TTLL9: variants seen among roughly 807,000 people sequenced by gnomAD.
The protein encoded by TTLL9 is probable tubulin polyglutamylase TTLL9.
A neutral mutation model predicts 65.6 loss-of-function variants in TTLL9; 47 were observed. That is an observed-to-expected ratio of 0.72 (90% CI 0.57 to 0.91). The LOEUF is 0.91. Among genes scored for constraint, TTLL9 ranks in the 40% least tolerant of loss-of-function variants. TTLL9 has a pLI of 0.00. For missense variants in TTLL9, 537 were observed against 568.8 expected (o/e 0.94, Z 0.57); for synonymous variants, 179 against 204.8 (o/e 0.87, Z 1.07).
At chr20:31,932,872 T>C (rs563661915) in intron 10 of TTLL9, among the ~76,000 whole-genome samples, 1 of 152,210 alleles carries the variant, frequency 6.6e-6, no homozygotes, top group Non-Finnish European at 1.5e-5. Context: ...GGTGGGCACC[T>C]GTAATCCCCG....
chr20:31,912,206 C>T (rs1322644987), intron 6 of TTLL9, among the ~76,000 whole-genome samples: 1 of 152,100 alleles, frequency 6.6e-6, no homozygotes, highest in Non-Finnish European at 1.5e-5. Flanking sequence ...CAGGAAACAC[C>T]GTCTCTTTGC....
chr20:31,921,523 C>T (rs2063815910), intron 7 of TTLL9, among the ~76,000 whole-genome samples: 2 of 152,144 alleles, frequency 1.3e-5, no homozygotes, highest in Admixed American at 6.6e-5. Flanking sequence ...CACATGCACA[C>T]GTATGTTTAT....
At chr20:31,929,566 AT>A (rs1348566178) in intron 10 of TTLL9, among the ~76,000 whole-genome samples, 3 of 151,514 alleles carry the variant, frequency 2.0e-5, no homozygotes, top group Middle Eastern at 3.4e-3. Flanking sequence ...TGCACTAAAC[AT>A]TATCAGCAGT....
chr20:31,902,103 TCAC>T lies in TTLL9; in HGVS notation c.206+3542_206+3544del, dbSNP rs1260954990. Among the ~76,000 whole-genome samples the T allele has an allele frequency of 4.3e-5, 6 of 140,372 alleles. No homozygotes were observed. The East Asian group carries it at 7.7e-4, about 18-fold the overall frequency. The allele number at this position is 140,372 out of a possible 152,430, so 92.1% of individuals were successfully genotyped here. A position where few individuals can be genotyped will look rare whatever the true frequency, so the allele number is the denominator to read the frequency against. On this transcript the variant is annotated intron_variant, in intron 4 of 14. Coordinates refer to ENST00000535842, the MANE Select transcript of TTLL9 (RefSeq NM_001008409.5). The stretch of plus-strand genomic sequence containing the variant: ...GCATATTCACAAAGTTGTGTAATCA[TCAC>T]CACTTTTTTTTTCCCCCACATACCT...
At position 31,919,871 on chromosome 20, in the gene TTLL9, G is replaced by C. The variant is rs763295167; in HGVS notation, c.512G>C (p.Arg171Pro). 3.8e-6 allele frequency: 6 copies of C among 1,589,270 alleles called. No individual in the cohort carries two copies. The East Asian group carries it at 9.6e-5, about 25-fold the overall frequency. The change falls in exon 7 of 15, where the codon CGG becomes CCG. Residue 171 changes from arginine to proline, a missense_variant. This residue lies in a region of TTLL9 where 320 missense variants were observed against 311.0 expected (regional missense o/e 1.03). Transcript: ENST00000535842. The stretch of plus-strand genomic sequence containing the variant: ...GCCCCCATCCCACCCCAGGTAGCCC[G>C]GTCTCAAGGGAAAGGCATCTTCCTC... ...GITWIMKPVA[R>P]SQGKGIFLFR...
At chr20:31,926,430 C>A (rs1380013071) in intron 10 of TTLL9, among the ~76,000 whole-genome samples, 1 of 152,176 alleles carries the variant, frequency 6.6e-6, no homozygotes, top group Non-Finnish European at 1.5e-5. Flanking sequence ...AGAATACATA[C>A]GTTGCTGGCG....
intron 2 of TTLL9, chr20:31,883,891 G>A (rs116168901): frequency 0.013 from 5,438 of 407,436 alleles, 283 homozygotes; most frequent in African/African-American, 0.1. Flanking sequence ...AGATAAGGAT[G>A]TCAGCTCTTA....
chr20:31,911,833 T>TGTGC (rs1349623881), intron 6 of TTLL9, among the ~76,000 whole-genome samples: 17 of 6,314 alleles, frequency 2.7e-3, no homozygotes, highest in African/African-American at 6.2e-3. Flanking sequence ...TGTCTGTGCG[T>TGTGC]GTGTGTGTGT....
At chr20:31,930,851 A>G (rs1367802206) in intron 10 of TTLL9, among the ~76,000 whole-genome samples, 2 of 152,024 alleles carry the variant, frequency 1.3e-5, no homozygotes, top group African/African-American at 4.8e-5. Context: ...ACCTGGTTTT[A>G]GGTTCCTCTC....
intron 10 of TTLL9, among the ~76,000 whole-genome samples, chr20:31,932,111 G>T (rs2064023828): frequency 6.6e-6 from 1 of 152,202 alleles, no homozygotes; most frequent in South Asian, 2.1e-4. Flanking sequence ...GGCCAAGGCA[G>T]GTGGATTGCT....
intron 10 of TTLL9, among the ~76,000 whole-genome samples, chr20:31,931,461 A>T (rs953000187): frequency 1.3e-5 from 2 of 152,072 alleles, no homozygotes; most frequent in African/African-American, 2.4e-5. Flanking sequence ...TTTCGTGTAC[A>T]TACAGGGTTT....
chr20:31,912,603 A>ATGTGTGTGTG (rs61107814), intron 6 of TTLL9, among the ~76,000 whole-genome samples: 8 of 141,006 alleles, frequency 5.7e-5, no homozygotes, highest in African/African-American at 7.8e-5. Flanking sequence ...GTGTATGTGT[A>ATGTGTGTGTG]TGTGTGTGTG....
chr20:31,924,433 C>G (rs777923370), intron 8 of TTLL9, among the ~76,000 whole-genome samples: 12 of 152,164 alleles, frequency 7.9e-5, no homozygotes, highest in Non-Finnish European at 1.3e-4. Context: ...AGATCCTGCA[C>G]CACTCTGGGC....
intron 10 of TTLL9, among the ~76,000 whole-genome samples, chr20:31,932,754 C>T (rs922630258): frequency 6.6e-6 from 1 of 151,840 alleles, no homozygotes; most frequent in Non-Finnish European, 1.5e-5. Context: ...TCCCAGCACT[C>T]TGGAGGCCGA....
intron 4 of TTLL9, among the ~76,000 whole-genome samples, chr20:31,900,003 G>A (rs1432198613): frequency 2.0e-5 from 3 of 152,204 alleles, no homozygotes; most frequent in East Asian, 1.9e-4. Flanking sequence ...CTCGTGATCC[G>A]CCCTCCTCGG....
At position 31,883,096 on chromosome 20, in the gene TTLL9, A is replaced by G. The variant is rs6061014; in HGVS notation, c.70-4100A>G. Reference sequence around the variant, plus strand: ...GGACCCTTCAGAGACCCCCACCCTTAGTAAAGGTGTAATTAGAACCAATTT... The same window carrying G: ...GGACCCTTCAGAGACCCCCACCCTTGGTAAAGGTGTAATTAGAACCAATTT... On this transcript the variant is annotated intron_variant, in intron 2 of 14. Coordinates refer to ENST00000535842, the MANE Select transcript of TTLL9 (RefSeq NM_001008409.5). 6.5e-3 allele frequency among the ~76,000 whole-genome samples: 984 copies of G among 152,246 alleles called. 12 individuals carry two copies. The highest frequency in any genetic ancestry group is 0.022 in the African/African-American group (933 of 41,536).
intron 4 of TTLL9, among the ~76,000 whole-genome samples, chr20:31,907,278 T>C (rs1011864110): frequency 1.9e-4 from 29 of 152,208 alleles, no homozygotes; most frequent in African/African-American, 6.5e-4. Context: ...CAGGTTGCAC[T>C]GAGGATCCGT....
chr20:31,936,696 A>G (rs1432140703), intron 12 of TTLL9, among the ~76,000 whole-genome samples: 5 of 152,174 alleles, frequency 3.3e-5, no homozygotes, highest in African/African-American at 9.7e-5. Context: ...AATTTTCACT[A>G]AGAAAGGGAA....
At chr20:31,931,918 C>T (rs1161571451) in intron 10 of TTLL9, among the ~76,000 whole-genome samples, 1 of 152,092 alleles carries the variant, frequency 6.6e-6, no homozygotes, top group African/African-American at 2.4e-5. Context: ...TTTTCTTTTG[C>T]CATCTGTGCT....
Sources: gnomAD v4.1 joint callset for allele counts (sites outside exome capture counted in the v4.1 genomes callset) on GRCh38, gnomAD v4.1.1 for gene constraint, gnomAD v4.1.1 regional missense constraint, MANE v1.5 for transcripts, NCBI Gene and HGNC (gene_info 2026-07-23, HGNC 2026-07-21) for gene names.